DAGLA: variants seen among roughly 807,000 people sequenced by gnomAD.
DAGLA encodes the protein diacylglycerol lipase-alpha.
Under a neutral mutation model 102.6 loss-of-function variants are expected in DAGLA, and 22 were observed. That is an observed-to-expected ratio of 0.21 (90% confidence interval 0.15 to 0.31). The LOEUF (loss-of-function observed/expected upper bound fraction) is 0.31. Ranked by LOEUF, DAGLA falls within the 10% of genes least tolerant of loss-of-function variation. The pLI is 1.00. For missense variants in DAGLA, 927 were observed against 1,446.6 expected (o/e 0.64, Z 5.83); for synonymous variants, 578 against 628.9 (o/e 0.92, Z 1.21).
At chr11:61,692,635 G>C (rs2065033094) in intron 1 of DAGLA, among the ~76,000 whole-genome samples, 1 of 152,066 alleles carries the variant, frequency 6.6e-6, no homozygotes, top group Non-Finnish European at 1.5e-5. Flanking sequence ...GGAACACCAG[G>C]CTGGGGTCAG....
At chr11:61,715,530 C>T (rs2065229512) in intron 1 of DAGLA, among the ~76,000 whole-genome samples, 1 of 152,208 alleles carries the variant, frequency 6.6e-6, no homozygotes, top group Admixed American at 6.5e-5. Context: ...GGACTCTGCT[C>T]CTTAAAATCT....
intron 1 of DAGLA, among the ~76,000 whole-genome samples, chr11:61,696,144 G>T (rs745911965): frequency 6.6e-6 from 1 of 152,220 alleles, no homozygotes; most frequent in Non-Finnish European, 1.5e-5. Flanking sequence ...CACCCTCTGC[G>T]GGAGGGGCTG....
chr11:61,704,420 C>T (rs963756156), intron 1 of DAGLA, among the ~76,000 whole-genome samples: 1 of 152,160 alleles, frequency 6.6e-6, no homozygotes, highest in African/African-American at 2.4e-5. Context: ...GTGCCCTGCC[C>T]GACCAAAGGA....
At chr11:61,688,459 T>C (rs1265797791) in intron 1 of DAGLA, among the ~76,000 whole-genome samples, 3 of 152,172 alleles carry the variant, frequency 2.0e-5, no homozygotes, top group Non-Finnish European at 4.4e-5. Context: ...GCCCGGCAGA[T>C]GAATTCTGCA....
intron 3 of DAGLA, among the ~76,000 whole-genome samples, chr11:61,721,522 A>G (rs761356988): frequency 5.9e-5 from 9 of 152,200 alleles, no homozygotes; most frequent in African/African-American, 2.4e-5. Flanking sequence ...AGAGTCCAAG[A>G]TATTTGCTCT....
intron 1 of DAGLA, among the ~76,000 whole-genome samples, chr11:61,713,166 C>G (rs1312126537): frequency 6.6e-6 from 1 of 152,182 alleles, no homozygotes; most frequent in Non-Finnish European, 1.5e-5. Context: ...GAGTCTGAAG[C>G]TAGATGAAGA....
chr11:61,743,103 G>A (rs759620704), intron 19 of DAGLA, among the ~76,000 whole-genome samples: 4 of 152,062 alleles, frequency 2.6e-5, no homozygotes, highest in Non-Finnish European at 5.9e-5. Flanking sequence ...GGTGGCTCAC[G>A]CCTGTAATCT....
chr11:61,700,826 A>G (rs1357066842), intron 1 of DAGLA, among the ~76,000 whole-genome samples: 1 of 152,180 alleles, frequency 6.6e-6, no homozygotes, highest in Non-Finnish European at 1.5e-5. Context: ...GGCACTGCCA[A>G]TAGCCCGATC....
chr11:61,703,166 C>T (rs897647060), intron 1 of DAGLA, among the ~76,000 whole-genome samples: 4 of 152,220 alleles, frequency 2.6e-5, no homozygotes, highest in Admixed American at 1.3e-4. Context: ...ACGTGGTGAG[C>T]TCCCCCAACC....
Position 61,734,258 on chromosome 11 carries a change from TG to T in DAGLA, c.975-586del, listed in dbSNP as rs34997257. ...GTGTACTGACCGAGTGGCATGGCCGTGGGGGTGAGGGCTGAGGAGCCACAGA... is the reference window on the plus strand; with the variant it reads ...GTGTACTGACCGAGTGGCATGGCCGTGGGGTGAGGGCTGAGGAGCCACAGA... On this transcript the variant is annotated intron_variant, in intron 9 of 19. Coordinates refer to ENST00000257215, the MANE Select transcript of DAGLA (RefSeq NM_006133.3). The surrounding 1 kb of genome is among the most constrained non-coding windows in gnomAD (Gnocchi z 4.2). 0.22 allele frequency among the ~76,000 whole-genome samples: 32,350 copies of T among 150,220 alleles called. 3,578 individuals are homozygous for T. The highest frequency in any genetic ancestry group is 0.35 in the South Asian group (1,645 of 4,724).
intron 3 of DAGLA, among the ~76,000 whole-genome samples, chr11:61,721,536 G>C (rs934203004): frequency 7.2e-5 from 11 of 152,180 alleles, no homozygotes; most frequent in Non-Finnish European, 1.5e-4. Flanking sequence ...TTGCTCTCTG[G>C]CCCTTTACAG....
Position 61,744,062 on chromosome 11 carries a change from G to C in DAGLA, c.2702G>C (p.Arg901Pro). The C allele has an allele frequency of 6.2e-7, 1 of 1,612,816 alleles. No individual in the cohort carries two copies. The highest frequency in any genetic ancestry group is 1.1e-5 in the South Asian group (1 of 91,086). Residue 901 changes from arginine (R) to proline (P), a missense_variant, in exon 20 of 20, where the codon CGC becomes CCC. Coordinates refer to ENST00000257215, the MANE Select transcript of DAGLA (RefSeq NM_006133.3). ...SRGELALHNG[R>P]LGDSPSPQVL... ...GGGGAGCTGGCGCTGCACAATGGGC[G>C]CCTGGGGGACTCGCCCAGTCCTCAG... is the stretch of plus-strand genomic sequence containing the variant.
chr11:61,680,474 G>C lies in DAGLA; in HGVS notation c.-75G>C, dbSNP rs1370210820. ...GCCCAGGATGGAGGTGGCGGTCGCG[G>C]CGGCGGGCCGAGCCCTGCGGCGGGC... On this transcript the variant is annotated 5_prime_UTR_variant, in exon 1 of 20. Coordinates refer to ENST00000257215, the MANE Select transcript of DAGLA (RefSeq NM_006133.3). The C allele has an allele frequency of 6.6e-6, 1 of 151,734 alleles. No individual in the cohort carries two copies. The highest frequency in any genetic ancestry group is 1.5e-5 in the Non-Finnish European group (1 of 67,720). 9.4% of individuals were successfully genotyped at this position (151,734 alleles called of 1,614,324 possible).
intron 6 of DAGLA, among the ~76,000 whole-genome samples, chr11:61,727,110 C>T (rs1025557170): frequency 6.6e-6 from 1 of 152,230 alleles, no homozygotes; most frequent in African/African-American, 2.4e-5. Context: ...CAGAGCCCCA[C>T]GGCAAAGGTC....
intron 6 of DAGLA, among the ~76,000 whole-genome samples, chr11:61,727,924 C>T (rs964235519): frequency 3.9e-5 from 6 of 152,188 alleles, no homozygotes; most frequent in African/African-American, 1.4e-4. Flanking sequence ...GAGGAGAGGG[C>T]TGGGTGGCTA....
In DAGLA at chr11:61,734,937, C is replaced by T. The variant is rs2065410898; in HGVS notation, c.1063C>T (p.Arg355Trp). Residue 355 changes from arginine (R) to tryptophan (W), a missense_variant, in exon 10 of 20, where the codon CGG (arginine) becomes TGG (tryptophan). Transcript: ENST00000257215. This position sits in a 1 kb window ranked among gnomAD's most constrained non-coding sequence, Gnocchi z 4.2. ...CTGTGGCTGTAATGCCATTGCCATC[C>T]GGCGCCACTTCCTGGACGAGAACAT... ...NCCGCNAIAI[R>W]RHFLDENMTA... The T allele has an allele frequency of 8.7e-6, 14 of 1,614,110 alleles. No homozygotes were observed. Among genetic ancestry groups the T allele is most frequent in the Non-Finnish European group, 1.1e-5 (13 of 1,179,976 alleles).
At chr11:61,743,362 CAAAAA>C (rs374336921) in intron 19 of DAGLA, among the ~76,000 whole-genome samples, 165 bp from the exon 20 acceptor site, 1 of 51,956 alleles carries the variant, frequency 1.9e-5, no homozygotes, top group Non-Finnish European at 4.2e-5. Context: ...GACTCTGTCT[CAAAAA>C]AAAAAAAAAA....
chr11:61,717,066 A>AC (rs1399435634), intron 1 of DAGLA, among the ~76,000 whole-genome samples: 2 of 151,554 alleles, frequency 1.3e-5, no homozygotes, highest in Admixed American at 1.3e-4. Flanking sequence ...GGCAGCGCCT[A>AC]CCCCCGCCCC....
At chr11:61,694,293 A>G (rs1367002111) in intron 1 of DAGLA, among the ~76,000 whole-genome samples, 2 of 152,136 alleles carry the variant, frequency 1.3e-5, no homozygotes, top group Non-Finnish European at 2.9e-5. Flanking sequence ...TTTGCTGCCC[A>G]AGAAGACCTC....
Sources: allele counts gnomAD v4.1 joint callset (sites outside exome capture counted in the v4.1 genomes callset), GRCh38; gene constraint gnomAD v4.1.1; non-coding constraint Gnocchi (gnomAD v3.1); transcripts MANE v1.5; gene names NCBI Gene and HGNC (gene_info 2026-07-23, HGNC 2026-07-21).